CDH8: variants seen among roughly 807,000 people sequenced by gnomAD.
CDH8 encodes the protein cadherin-8.
Under a neutral mutation model 68.1 loss-of-function variants are expected in CDH8, and 17 were observed. The ratio of observed to expected loss-of-function variants is 0.25; its 90% CI spans 0.17 to 0.37. The LOEUF is 0.37. CDH8 is among the 10% of genes least tolerant of loss of function. The pLI is 1.00. For missense variants in CDH8, 763 were observed against 999.3 expected, an observed-to-expected ratio of 0.76 and a Z score of 3.19; for synonymous variants, 372 against 365.1, an observed-to-expected ratio of 1.02 and a Z score of -0.21.
chr16:61,853,101 T>G (rs1962974888), intron 4 of CDH8, among the ~76,000 whole-genome samples: 2 of 152,030 alleles, frequency 1.3e-5, no homozygotes, highest in African/African-American at 4.8e-5. Flanking sequence ...ATAAACAAGA[T>G]AACCCTGATT....
chr16:61,973,940 T>C (rs1510165), intron 2 of CDH8, among the ~76,000 whole-genome samples: 102,343 of 151,996 alleles, frequency 0.67, 35,100 homozygotes, highest in East Asian at 1. Context: ...AGGTTTGCGT[T>C]GTCAGACTCA....
At chr16:61,807,446 T>C (rs1189236814) in intron 7 of CDH8, among the ~76,000 whole-genome samples, 1 of 151,776 alleles carries the variant, frequency 6.6e-6, no homozygotes, top group African/African-American at 2.4e-5. Context: ...CTGCACAATG[T>C]GCACATGTAC....
At chr16:61,905,821 G>A (rs1412519746) in intron 2 of CDH8, among the ~76,000 whole-genome samples, 5 of 152,028 alleles carry the variant, frequency 3.3e-5, no homozygotes, top group South Asian at 2.1e-4. Flanking sequence ...GTTGAACCCC[G>A]GAGGTGGAGG....
At chr16:61,903,957 A>T (rs987601291) in intron 2 of CDH8, among the ~76,000 whole-genome samples, 26 of 148,902 alleles carry the variant, frequency 1.7e-4, no homozygotes, top group African/African-American at 6.7e-4. Flanking sequence ...CACTTTTTAA[A>T]AAAAAAAAAA....
At chr16:61,754,513 A>G (rs7188042) in intron 8 of CDH8, among the ~76,000 whole-genome samples, 50,912 of 151,630 alleles carry the variant, frequency 0.34, 8,844 homozygotes, top group Middle Eastern at 0.47. Flanking sequence ...GTTTATATTT[A>G]TATTATATAT....
intron 3 of CDH8, among the ~76,000 whole-genome samples, chr16:61,863,492 T>TA (rs1413163588): frequency 1.3e-5 from 2 of 152,128 alleles, no homozygotes; most frequent in Non-Finnish European, 2.9e-5. Flanking sequence ...TACTTTTTTT[T>TA]ATGAGTAAGT....
At chr16:61,993,929 CAA>C (rs1304916439) in intron 2 of CDH8, among the ~76,000 whole-genome samples, 2 of 152,090 alleles carry the variant, frequency 1.3e-5, no homozygotes, top group Non-Finnish European at 2.9e-5. Context: ...ATAGATATAT[CAA>C]AATTTATTTA....
intron 2 of CDH8, among the ~76,000 whole-genome samples, chr16:61,993,947 T>C (rs1393116543): frequency 6.6e-6 from 1 of 152,158 alleles, no homozygotes; most frequent in African/African-American, 2.4e-5. Context: ...ATTTAAGCAA[T>C]CTTAATAGAA....
intron 2 of CDH8, among the ~76,000 whole-genome samples, chr16:61,954,254 T>C (rs1007442911): frequency 5.3e-5 from 8 of 152,086 alleles, no homozygotes; most frequent in Admixed American, 2.0e-4. Flanking sequence ...ACCCATTATA[T>C]ATGATGTCCA....
intron 10 of CDH8, among the ~76,000 whole-genome samples, chr16:61,700,046 T>G (rs934535864): frequency 6.6e-6 from 1 of 152,190 alleles, no homozygotes; most frequent in African/African-American, 2.4e-5. Flanking sequence ...TGTATTTAAT[T>G]GTCAGTTTTT....
chr16:61,735,723 TA>T (rs1959659953), intron 8 of CDH8, among the ~76,000 whole-genome samples: 1 of 152,128 alleles, frequency 6.6e-6, no homozygotes, highest in Admixed American at 6.6e-5. Flanking sequence ...CAGGAAGATT[TA>T]AAATAGGGAA....
chr16:62,006,946 C>T (rs1465521654), intron 2 of CDH8, among the ~76,000 whole-genome samples: 1 of 150,238 alleles, frequency 6.7e-6, no homozygotes, highest in African/African-American at 2.5e-5. Context: ...CTCACTCTGT[C>T]GCCCAGGCTG....
intron 4 of CDH8, among the ~76,000 whole-genome samples, chr16:61,851,320 C>A (rs901127422): frequency 1.3e-5 from 2 of 151,674 alleles, no homozygotes; most frequent in Non-Finnish European, 2.9e-5. Context: ...GTTGTTTGTA[C>A]CCAATGAAGA....
chr16:61,753,239 CTT>C (rs59736911), intron 8 of CDH8, among the ~76,000 whole-genome samples: 10 of 143,936 alleles, frequency 6.9e-5, no homozygotes, highest in Admixed American at 1.4e-4. Context: ...ATATTTCTTT[CTT>C]TTTTTTTTTT....
chr16:61,757,887 GT>G (rs1397659050), intron 8 of CDH8, among the ~76,000 whole-genome samples: 1 of 152,006 alleles, frequency 6.6e-6, no homozygotes, highest in Non-Finnish European at 1.5e-5. Flanking sequence ...AAATGGTGAT[GT>G]TTTTTTCTGC....
intron 3 of CDH8, among the ~76,000 whole-genome samples, chr16:61,881,430 G>A (rs532851989): frequency 2.6e-5 from 4 of 152,192 alleles, no homozygotes; most frequent in African/African-American, 9.6e-5. Flanking sequence ...GGAAATAAAG[G>A]ATAAAGATAT....
chr16:61,655,387 T>A, intron 11 of CDH8, 83 bp downstream of exon 11: 1 of 1,389,416 alleles, frequency 7.2e-7, no homozygotes, highest in Non-Finnish European at 1.0e-6. Flanking sequence ...CTTGCCTGTG[T>A]AGATCAGAGT....
At chr16:61,888,838 C>T (rs1385367908) in intron 3 of CDH8, among the ~76,000 whole-genome samples, 1 of 152,150 alleles carries the variant, frequency 6.6e-6, no homozygotes, top group Non-Finnish European at 1.5e-5. Flanking sequence ...CCCACTACTG[C>T]TCCATCCCCA....
intron 10 of CDH8, among the ~76,000 whole-genome samples, chr16:61,678,325 T>A (rs1459807950): frequency 2.0e-5 from 3 of 152,006 alleles, no homozygotes; most frequent in Non-Finnish European, 4.4e-5. Flanking sequence ...ATGACCAATG[T>A]TTGGCTCAGA....
Sources: allele counts gnomAD v4.1 joint callset (sites outside exome capture counted in the v4.1 genomes callset), GRCh38; gene constraint gnomAD v4.1.1; transcripts MANE v1.5; gene names NCBI Gene and HGNC (gene_info 2026-07-23, HGNC 2026-07-21).